LRRIQ1: variants seen among roughly 807,000 people sequenced by gnomAD.
LRRIQ1 encodes leucine rich repeats and IQ motif containing 1.
In LRRIQ1, 210 loss-of-function variants were observed where a neutral mutation model predicts 211.9. That is an observed-to-expected ratio of 0.99 (90% CI 0.89 to 1.11). The LOEUF is 1.11. LRRIQ1 is among the 50% of genes most tolerant of loss of function. The pLI, the probability that LRRIQ1 is intolerant of heterozygous loss-of-function variation, is 0.00. For missense variants in LRRIQ1, 2,136 were observed against 1,939.5 expected, an observed-to-expected ratio of 1.10 and a Z score of -1.90; for synonymous variants, 699 against 650.1, an observed-to-expected ratio of 1.08 and a Z score of -1.14.
chr12:85,060,417 G>T (rs997909417), intron 8 of LRRIQ1, among the ~76,000 whole-genome samples: 2 of 151,802 alleles, frequency 1.3e-5, no homozygotes, highest in Middle Eastern at 3.4e-3. Context: ...GCTACTAATG[G>T]TAACTTGTAT....
At chr12:85,046,770 A>G (rs896603143) in intron 5 of LRRIQ1, among the ~76,000 whole-genome samples, 1 of 152,190 alleles carries the variant, frequency 6.6e-6, no homozygotes, top group African/African-American at 2.4e-5. Context: ...CATCAATGAT[A>G]GACTGGATTA....
chr12:85,169,103 C>A (rs1422388807), intron 24 of LRRIQ1, among the ~76,000 whole-genome samples: 9 of 152,116 alleles, frequency 5.9e-5, no homozygotes, highest in South Asian at 2.1e-4. Context: ...AGTATTTTAT[C>A]TCTACTAATT....
chr12:85,267,217 T>C (rs374576119), downstream of LRRIQ1, among the ~76,000 whole-genome samples: 16 of 152,246 alleles, frequency 1.1e-4, 1 homozygote, highest in East Asian at 2.5e-3. Context: ...ATGTGAGCCA[T>C]GTATGTAATT....
Position 85,183,767 on chromosome 12 carries a change from G to C in LRRIQ1, c.4822+23053G>C, listed in dbSNP as rs112488341. ...AATTTTATTGCACCCAACTGCCAAG[G>C]GAATTAAACTCAGGTAAGGTCTTAA... On this transcript the variant is annotated intron_variant, in intron 24 of 26. Coordinates refer to ENST00000393217, the MANE Select transcript of LRRIQ1 (RefSeq NM_001079910.2). Among the ~76,000 whole-genome samples, 470 of 151,920 alleles carry C rather than the reference G, an allele frequency of 3.1e-3. 4 individuals carry two copies. Among genetic ancestry groups the C allele is most frequent in the African/African-American group, 0.01 (431 of 41,486 alleles).
intron 24 of LRRIQ1, among the ~76,000 whole-genome samples, chr12:85,179,973 C>G (rs1891898471): frequency 6.6e-6 from 1 of 151,884 alleles, no homozygotes; most frequent in African/African-American, 2.4e-5. Flanking sequence ...ATACTAGGCA[C>G]TCAATAAGTG....
chr12:85,074,662 TAAG>T (rs1396325957), intron 11 of LRRIQ1, among the ~76,000 whole-genome samples: 4 of 152,048 alleles, frequency 2.6e-5, no homozygotes, highest in Admixed American at 6.6e-5. Flanking sequence ...CAATTTTAAA[TAAG>T]AAAATCTTTC....
At chr12:85,199,196 G>A (rs974870520) in intron 24 of LRRIQ1, among the ~76,000 whole-genome samples, 15 of 152,092 alleles carry the variant, frequency 9.9e-5, no homozygotes, top group African/African-American at 3.6e-4. Context: ...CAGGTCCCAT[G>A]TGCCAGATGG....
intron 18 of LRRIQ1, among the ~76,000 whole-genome samples, chr12:85,132,626 G>A (rs1210896251): frequency 6.6e-6 from 1 of 151,854 alleles, no homozygotes; most frequent in African/African-American, 2.4e-5. Context: ...AAATTAACTG[G>A]GTGGCATGTA....
At chr12:85,107,864 T>A (rs777387903) in intron 15 of LRRIQ1, among the ~76,000 whole-genome samples, 2 of 152,200 alleles carry the variant, frequency 1.3e-5, no homozygotes, top group Non-Finnish European at 2.9e-5. Context: ...ATTTTTCCTC[T>A]ATATAAATTT....
intron 24 of LRRIQ1, among the ~76,000 whole-genome samples, chr12:85,203,975 G>A (rs1412378266): frequency 6.6e-6 from 1 of 152,078 alleles, no homozygotes; most frequent in African/African-American, 2.4e-5. Flanking sequence ...AGATCTTCAC[G>A]ACAGCCCCTC....
chr12:85,229,721 G>T (rs1894842098), intron 25 of LRRIQ1, 72 bp downstream of exon 25: 3 of 1,482,740 alleles, frequency 2.0e-6, no homozygotes, highest in African/African-American at 1.4e-5. Flanking sequence ...TAGGTTAATT[G>T]TGCTAAAACA....
intron 6 of LRRIQ1, among the ~76,000 whole-genome samples, chr12:85,050,338 G>A (rs948802190): frequency 6.6e-6 from 1 of 151,982 alleles, no homozygotes; most frequent in East Asian, 1.9e-4. Context: ...ATTATGACTT[G>A]GTGCTTAAAA....
chr12:85,087,220 G>T (rs1191475973), intron 11 of LRRIQ1, among the ~76,000 whole-genome samples: 3 of 151,954 alleles, frequency 2.0e-5, no homozygotes, highest in African/African-American at 4.8e-5. Context: ...GCAATAGTTT[G>T]CTCAGAATGA....
At chr12:85,224,514 G>A (rs1038571874) in intron 24 of LRRIQ1, among the ~76,000 whole-genome samples, 1 of 152,072 alleles carries the variant, frequency 6.6e-6, no homozygotes, top group Non-Finnish European at 1.5e-5. Flanking sequence ...ACTGGATTAA[G>A]AAAATGTGGC....
chr12:85,102,949 A>ATATATATATATATAT (rs1565834028), intron 13 of LRRIQ1, among the ~76,000 whole-genome samples: 3 of 106,218 alleles, frequency 2.8e-5, no homozygotes, highest in East Asian at 4.0e-4. Flanking sequence ...TGTGGCAAAA[A>ATATATATATATATAT]AAAAAAAAAA....
At chr12:85,128,921 T>G (rs1436868831) in intron 18 of LRRIQ1, among the ~76,000 whole-genome samples, 2 of 152,204 alleles carry the variant, frequency 1.3e-5, no homozygotes. Flanking sequence ...CTCACCAGTC[T>G]GATATCAAAG....
intron 19 of LRRIQ1, among the ~76,000 whole-genome samples, 187 bp from the exon 20 acceptor site, chr12:85,152,093 T>C (rs539290570): frequency 2.2e-4 from 34 of 151,872 alleles, no homozygotes; most frequent in Middle Eastern, 3.4e-3. Flanking sequence ...ATGAAAAGTC[T>C]TATCCCATTT....
At chr12:85,119,928 A>G (rs1030969627) in intron 15 of LRRIQ1, among the ~76,000 whole-genome samples, 4 of 152,156 alleles carry the variant, frequency 2.6e-5, no homozygotes, top group Admixed American at 2.6e-4. Context: ...TTAAACAGAT[A>G]CATCTTTTGA....
intron 26 of LRRIQ1, among the ~76,000 whole-genome samples, chr12:85,241,749 C>T (rs531743656): frequency 6.6e-6 from 1 of 151,976 alleles, no homozygotes; most frequent in East Asian, 1.9e-4. Flanking sequence ...GTAATAAGTA[C>T]ATAGACATTT....
Sources: allele counts gnomAD v4.1 joint callset (sites outside exome capture counted in the v4.1 genomes callset), GRCh38; gene constraint gnomAD v4.1.1; transcripts MANE v1.5; gene names NCBI Gene and HGNC (gene_info 2026-07-23, HGNC 2026-07-21).